SDS: variants seen among roughly 807,000 people sequenced by gnomAD.
SDS encodes serine dehydratase, also known as L-serine dehydratase/L-threonine deaminase.
Under a neutral mutation model 29.3 loss-of-function variants are expected in SDS, and 19 were observed. The ratio of observed to expected loss-of-function variants is 0.65; its 90% CI spans 0.45 to 0.95. The LOEUF (loss-of-function observed/expected upper bound fraction) is 0.95. SDS is among the 40% of genes least tolerant of loss of function. SDS has a pLI of 0.00. For missense variants in SDS, 375 were observed against 439.9 expected (o/e 0.85, Z 1.32); for synonymous variants, 176 against 189.0 (o/e 0.93, Z 0.56).
chr12:113,397,238 C>G lies in SDS; in HGVS notation c.580G>C (p.Glu194Gln). 6.2e-7 allele frequency: 1 copy of G among 1,614,204 alleles called. No individual in the cohort carries two copies. Among genetic ancestry groups the G allele is most frequent in the Non-Finnish European group, 8.5e-7 (1 of 1,180,038 alleles). Reference protein sequence around the residue: ...GWGDVPVIAMETFGAHSFHAA... With the variant: ...GWGDVPVIAMQTFGAHSFHAA... ...TGGAAGCTGTGGGCACCAAAAGTCT[C>G]CATGGCGATGACAGGCACGTCCCCC... The change falls in exon 6 of 8, where the codon GAG (glutamate) becomes CAG (glutamine). Residue 194 changes from glutamate to glutamine, a missense_variant. Coordinates refer to ENST00000257549, the MANE Select transcript of SDS (RefSeq NM_006843.3).
intron 6 of SDS, among the ~76,000 whole-genome samples, chr12:113,395,206 TG>T (rs201715367): frequency 0.011 from 1,689 of 152,300 alleles, 23 homozygotes; most frequent in Non-Finnish European, 0.019. Flanking sequence ...CCCAGCTTCC[TG>T]GGGTGACCAC....
chr12:113,396,335 TCCC>T (rs1415683520), intron 6 of SDS, among the ~76,000 whole-genome samples: 5 of 151,320 alleles, frequency 3.3e-5, no homozygotes, highest in African/African-American at 9.7e-5. Flanking sequence ...CCTCCCTCCC[TCCC>T]TTTTTCCTTT....
In SDS at chr12:113,393,929, C is replaced by T. The variant is rs376660804; in HGVS notation, c.741G>A (p.Ser247=). Reference sequence around the variant, plus strand: ...CAATGGCGGCCACAGCCTCCTGGTCCGAGATAACTTCAGAGAAAATGGGGT... The same window carrying T: ...CAATGGCGGCCACAGCCTCCTGGTCTGAGATAACTTCAGAGAAAATGGGGT... The part of the protein sequence containing the change: ...QEHPIFSEVI[S]DQEAVAAIEK... Residue 247 remains serine, a synonymous_variant, in exon 7 of 8, where the codon TCG becomes TCA. Coordinates refer to ENST00000257549, the MANE Select transcript of SDS (RefSeq NM_006843.3). 15 of 1,614,022 alleles carry T rather than the reference C, an allele frequency of 9.3e-6. No individual in the cohort carries two copies. The highest frequency in any genetic ancestry group is 3.3e-4 in the Middle Eastern group (2 of 6,084).
rs1301694536 is a variant in SDS, at chr12:113,398,866, A to T, written c.194-20T>A. ...TGCCCGCTGCCAGGGTCGGGGGTGG[A>T]GAGCGTGTCAGTGCGGGAGCATCTG... On this transcript the variant is annotated intron_variant, in intron 3 of 7. Transcript: ENST00000257549. The T allele has an allele frequency of 9.5e-6, 15 of 1,585,054 alleles. No homozygotes were observed. The highest frequency in any genetic ancestry group is 1.3e-5 in the Non-Finnish European group (15 of 1,166,230).
At position 113,399,262 on chromosome 12, in the gene SDS, C is replaced by T. The variant is rs1957669064; in HGVS notation, c.154-111G>A. On this transcript the variant is annotated intron_variant, in intron 2 of 7. Transcript: ENST00000257549. ...TTCCAGTGGACACGGACGTTTCCTT[C>T]ACTCAGAATTTGTTCTACCCTTGTC... 6.4e-5 allele frequency: 77 copies of T among 1,201,050 alleles called. 2 individuals are homozygous for T. The South Asian group carries it at 9.8e-4, about 15-fold the overall frequency. 74.4% of individuals were successfully genotyped at this position (1,201,050 alleles called of 1,614,324 possible).
intron 6 of SDS, among the ~76,000 whole-genome samples, chr12:113,394,324 G>GT (rs1375307893): frequency 2.1e-5 from 3 of 142,324 alleles, no homozygotes; most frequent in East Asian, 4.1e-4. Context: ...TGTTTTGTTT[G>GT]TTTTTTTGTT....
chr12:113,397,825 C>T (rs1040141443), intron 5 of SDS, among the ~76,000 whole-genome samples: 1 of 152,094 alleles, frequency 6.6e-6, no homozygotes. Flanking sequence ...CAGCAAAGCC[C>T]CCTTCCTTCC....
At chr12:113,403,057 C>T (rs191213358) in intron 1 of SDS, among the ~76,000 whole-genome samples, 9 of 152,316 alleles carry the variant, frequency 5.9e-5, no homozygotes, top group Admixed American at 5.2e-4. Flanking sequence ...GCGCTATGCT[C>T]ATCCCCATTC....
chr12:113,397,023 G>T, intron 6 of SDS, 142 bp downstream of exon 6: 1 of 720,838 alleles, frequency 1.4e-6, no homozygotes, highest in Non-Finnish European at 2.4e-6. Context: ...CCACTCACTG[G>T]ACGTGGCCCT....
intron 7 of SDS, among the ~76,000 whole-genome samples, 180 bp from the exon 8 acceptor site, chr12:113,393,329 C>T (rs1957623520): frequency 6.6e-6 from 1 of 152,246 alleles, no homozygotes; most frequent in South Asian, 2.1e-4. Flanking sequence ...AAGCCTGAGC[C>T]AGGGCCTGGG....
At position 113,392,602 on chromosome 12, in the gene SDS, G is replaced by A. The variant is rs1405123739; in HGVS notation, c.*339C>T. On this transcript the variant is annotated 3_prime_UTR_variant, in exon 8 of 8. Transcript: ENST00000257549. ...CTTCACTGGGAACAAGTTCAGGGGC[G>A]AGGTCACAGCTTTGAGGAATTCCTC... is the stretch of plus-strand genomic sequence containing the variant. The A allele has an allele frequency of 1.0e-5, 3 of 295,884 alleles. No individual in the cohort carries two copies. The highest frequency in any genetic ancestry group is 2.3e-5 in the African/African-American group (1 of 43,932). 18.3% of individuals were successfully genotyped at this position (295,884 alleles called of 1,614,324 possible).
At chr12:113,402,040 C>G (rs1957686997) in intron 1 of SDS, among the ~76,000 whole-genome samples, 1 of 152,154 alleles carries the variant, frequency 6.6e-6, no homozygotes, top group African/African-American at 2.4e-5. Flanking sequence ...CCAGACATCC[C>G]TTGGTCAGAG....
Position 113,392,690 on chromosome 12 carries a change from GCACTTGT to G in SDS, c.*244_*250del, listed in dbSNP as rs1405703829. Reference sequence around the variant, plus strand: ...TGGGTACCTGGTGTGTTACTTGTGGGCACTTGTCACGCCAGCAAGTTGGCTAAGGATG... The same window carrying G: ...TGGGTACCTGGTGTGTTACTTGTGGGCACGCCAGCAAGTTGGCTAAGGATG... On this transcript the variant is annotated 3_prime_UTR_variant, in exon 8 of 8. Transcript: ENST00000257549. 2.0e-6 allele frequency: 1 copy of G among 492,568 alleles called. No individual in the cohort carries two copies. Among genetic ancestry groups the G allele is most frequent in the African/African-American group, 2.0e-5 (1 of 50,966 alleles). 30.5% of individuals were successfully genotyped at this position (492,568 alleles called of 1,614,324 possible).
chr12:113,393,204 G>A lies in SDS; in HGVS notation c.779-55C>T, dbSNP rs1957622353. On this transcript the variant is annotated intron_variant, in intron 7 of 7. Transcript: ENST00000257549. ...GGCCTGAGTTTCCCAGGGTGCACAG[G>A]AGCTGACAGGCCATTGGCAGGACCT... is the stretch of plus-strand genomic sequence containing the variant. The A allele has an allele frequency of 1.5e-5, 23 of 1,532,710 alleles. 1 individual carries two copies. The highest frequency in any genetic ancestry group is 5.0e-5 in the Admixed American group (3 of 59,598). 94.9% of individuals were successfully genotyped at this position (1,532,710 alleles called of 1,614,324 possible).
chr12:113,400,477 A>C (rs1041918288), intron 1 of SDS, among the ~76,000 whole-genome samples: 1 of 151,760 alleles, frequency 6.6e-6, no homozygotes, highest in Non-Finnish European at 1.5e-5. Context: ...TGTCTCAAAA[A>C]AAAAAAAGAA....
rs1177236986 is a variant in SDS, at chr12:113,392,972, T to G, written c.956A>C (p.Gln319Pro). The G allele has an allele frequency of 6.2e-7, 1 of 1,614,076 alleles. No individual in the cohort carries two copies. The highest frequency in any genetic ancestry group is 8.5e-7 in the Non-Finnish European group (1 of 1,180,032). ...SLAQLRALKE[Q>P]LGMTNRLPK The stretch of plus-strand genomic sequence containing the variant: ...GGGCAACCTATTTGTCATGCCCAGC[T>G]GTTCCTTGAGCGCCCGCAGCTGGGC... The change falls in exon 8 of 8, where the codon CAG becomes CCG. Residue 319 changes from glutamine to proline, a missense_variant. Gln to Pro is a moderately conservative substitution (Grantham distance 76). Coordinates refer to ENST00000257549, the MANE Select transcript of SDS (RefSeq NM_006843.3).
At chr12:113,399,816 A>G in intron 1 of SDS, 106 bp from the exon 2 acceptor site, 1 of 1,133,888 alleles carries the variant, frequency 8.8e-7, no homozygotes, top group Non-Finnish European at 1.2e-6. Flanking sequence ...GCAAGGCCTC[A>G]GACGAGAGAG....
chr12:113,398,943 C>A (rs1957666987), intron 3 of SDS, 97 bp from the exon 4 acceptor site: 2 of 1,521,700 alleles, frequency 1.3e-6, no homozygotes, highest in East Asian at 2.4e-5. Flanking sequence ...GAGTTCCCCC[C>A]TCACCTCCCC....
chr12:113,396,395 CCTTT>C (rs751536685), intron 6 of SDS, among the ~76,000 whole-genome samples: 24 of 147,680 alleles, frequency 1.6e-4, no homozygotes, highest in African/African-American at 3.7e-4. Context: ...TTTCTTTCTT[CCTTT>C]CTTTCTCTTT....
Sources: gnomAD v4.1 joint callset for allele counts (sites outside exome capture counted in the v4.1 genomes callset) on GRCh38, gnomAD v4.1.1 for gene constraint, MANE v1.5 for transcripts, NCBI Gene and HGNC (gene_info 2026-07-23, HGNC 2026-07-21) for gene names.